TRIOBP: variants seen among roughly 807,000 people sequenced by gnomAD.
TRIOBP encodes the protein TRIO and F-actin binding protein.
TRIOBP carries 169 observed loss-of-function variants against 238.8 expected under a neutral mutation model. The observed-to-expected ratio is 0.71, with a 90% CI of 0.62 to 0.80. TRIOBP has a LOEUF of 0.80. Ranked by LOEUF, TRIOBP falls within the 30% of genes least tolerant of loss-of-function variation. The pLI is 0.00. For synonymous variants in TRIOBP, 1,150 were observed against 1,274.4 expected (o/e 0.90, Z 2.08); for missense variants, 2,838 against 3,122.6 (o/e 0.91, Z 2.17).
chr22:37,728,391 G>A (rs1375585631), intron 7 of TRIOBP, among the ~76,000 whole-genome samples: 5 of 152,022 alleles, frequency 3.3e-5, no homozygotes, highest in Admixed American at 1.3e-4. Flanking sequence ...CTGAGATTGC[G>A]TCATTGCACT....
chr22:37,708,037 G>C (rs1923039596), intron 3 of TRIOBP, among the ~76,000 whole-genome samples: 2 of 150,850 alleles, frequency 1.3e-5, no homozygotes, highest in South Asian at 4.2e-4. Flanking sequence ...ACGAGATCAG[G>C]AGATCGAGAC....
At position 37,726,158 on chromosome 22, in the gene TRIOBP, C is replaced by T. The variant is rs1924146278; in HGVS notation, c.3602C>T (p.Pro1201Leu). ...GGAACTAGTATGGAGAGCCTGGCCC[C>T]CTCCACTGACTCTCTGCATGGCTCC... ...PPGTSMESLAPSTDSLHGSPV... is the reference protein window; with the variant it reads ...PPGTSMESLALSTDSLHGSPV... Residue 1201 changes from proline (P) to leucine (L), a missense_variant, in exon 7 of 24, where the codon CCC becomes CTC. This residue lies in a region of TRIOBP where 2,096 missense variants were observed against 2,137.4 expected (regional missense o/e 0.98). Transcript: ENST00000644935. The T allele has an allele frequency of 6.3e-7, 1 of 1,582,890 alleles. No individual in the cohort carries two copies. Among genetic ancestry groups the T allele is most frequent in the African/African-American group, 1.4e-5 (1 of 73,326 alleles).
At chr22:37,713,529 T>A in intron 5 of TRIOBP, 118 bp downstream of exon 5, 2 of 1,312,334 alleles carry the variant, frequency 1.5e-6, no homozygotes, top group Non-Finnish European at 2.2e-6. Flanking sequence ...TCCGACGAGG[T>A]CCTCTGGACC....
chr22:37,734,095 G>C (rs1440526876), intron 8 of TRIOBP, among the ~76,000 whole-genome samples: 5 of 152,224 alleles, frequency 3.3e-5, no homozygotes, highest in African/African-American at 7.2e-5. Context: ...CAGTGGAATG[G>C]GGTATTGGTG....
At chr22:37,702,634 C>CTCTTTT (rs1226390715) in intron 3 of TRIOBP, among the ~76,000 whole-genome samples, 6 of 81,198 alleles carry the variant, frequency 7.4e-5, no homozygotes, top group African/African-American at 2.5e-4. Context: ...TTCTCTCTCT[C>CTCTTTT]TTTTTTTTTT....
Position 37,759,441 on chromosome 22 carries a change from G to A in TRIOBP, c.6324+177G>A, listed in dbSNP as rs150061404. 2.5e-5 allele frequency: 36 copies of A among 1,434,822 alleles called. No homozygotes were observed. Among genetic ancestry groups the A allele is most frequent in the African/African-American group, 2.0e-4 (14 of 71,336 alleles). 88.9% of individuals were successfully genotyped at this position (1,434,822 alleles called of 1,614,324 possible). A position where few individuals can be genotyped will look rare whatever the true frequency, so the allele number is the denominator to read the frequency against. ...GCTGGTGGGCGTGATCACTGTGCCCGTTTTACAGACAAGGCCACTGAGCTC... is the reference window on the plus strand; with the variant it reads ...GCTGGTGGGCGTGATCACTGTGCCCATTTTACAGACAAGGCCACTGAGCTC... On this transcript the variant is annotated intron_variant, in intron 17 of 23. Coordinates refer to ENST00000644935, the MANE Select transcript of TRIOBP (RefSeq NM_001039141.3).
At chr22:37,764,640 C>T (rs538051437) in intron 17 of TRIOBP, among the ~76,000 whole-genome samples, 4 of 152,296 alleles carry the variant, frequency 2.6e-5, no homozygotes, top group East Asian at 1.9e-4. Context: ...CCAGTGGGGT[C>T]GCAAAATGTG....
At chr22:37,770,323 G>A (rs1362136311) in intron 21 of TRIOBP, among the ~76,000 whole-genome samples, 1 of 150,700 alleles carries the variant, frequency 6.6e-6, no homozygotes, top group Admixed American at 6.6e-5. Flanking sequence ...GGTGGCGGGT[G>A]CCTGTAGTCC....
chr22:37,767,179 C>T (rs144158577), intron 18 of TRIOBP, among the ~76,000 whole-genome samples: 11 of 151,274 alleles, frequency 7.3e-5, no homozygotes, highest in Non-Finnish European at 1.5e-4. Context: ...TGAAAGTGGG[C>T]GGCAAAGGTT....
intron 7 of TRIOBP, among the ~76,000 whole-genome samples, chr22:37,731,468 ATT>A (rs56245109): frequency 0.81 from 120,551 of 148,088 alleles, 50,220 homozygotes; most frequent in Non-Finnish European, 0.9. Context: ...ATATATATAT[ATT>A]TTTTGAGACA....
intron 3 of TRIOBP, among the ~76,000 whole-genome samples, chr22:37,708,570 A>G (rs1923074251): frequency 6.6e-6 from 1 of 152,202 alleles, no homozygotes. Context: ...AGCCCTTTAC[A>G]AATATTAACT....
Position 37,758,141 on chromosome 22 carries a change from A to G in TRIOBP, c.6213+3A>G. 1 of 1,610,746 alleles carries G rather than the reference A, an allele frequency of 6.2e-7. No homozygotes were observed. Among genetic ancestry groups the G allele is most frequent in the Non-Finnish European group, 8.5e-7 (1 of 1,179,902 alleles). Reference sequence around the variant, plus strand: ...GCCACGAGGCACTGGAGAAGGAGGTAGGCACCACGGCTGGCTCTCTAGGAG... The same window carrying G: ...GCCACGAGGCACTGGAGAAGGAGGTGGGCACCACGGCTGGCTCTCTAGGAG... On this transcript the variant is annotated splice_donor_region_variant and intron_variant, in intron 16 of 23. Transcript: ENST00000644935.
intron 10 of TRIOBP, 98 bp downstream of exon 10, chr22:37,738,817 A>T: frequency 2.2e-6 from 3 of 1,337,266 alleles, no homozygotes; most frequent in Non-Finnish European, 3.2e-6. Flanking sequence ...AGAATCAACC[A>T]GACCAAAGTT....
At chr22:37,759,506 A>G (rs779720940) in intron 17 of TRIOBP, 3 of 1,605,232 alleles carry the variant, frequency 1.9e-6, no homozygotes, top group Non-Finnish European at 2.6e-6. Flanking sequence ...CCCCGCCTGC[A>G]GGTCTCAAAG....
chr22:37,699,561 G>A (rs1422331699), intron 2 of TRIOBP, among the ~76,000 whole-genome samples: 3 of 149,728 alleles, frequency 2.0e-5, no homozygotes, highest in Non-Finnish European at 4.4e-5. Flanking sequence ...TTTTTTTTAA[G>A]ACAGAGTCTC....
Position 37,734,899 on chromosome 22 carries a change from C to T in TRIOBP, c.4563C>T (p.Gly1521=), listed in dbSNP as rs769745521. The change falls in exon 9 of 24, where the codon GGC becomes GGT. Residue 1521 remains glycine, a synonymous_variant. Transcript: ENST00000644935. ...CGAGCCCCCCTGAGAACTGGGGAGG[C>T]CCCGCAGAGTCCTCACAATCCTGGC... The part of the protein sequence containing the change: ...PLTSPPENWG[G]PAESSQSWHS... 2 of 1,613,250 alleles carry T rather than the reference C, an allele frequency of 1.2e-6. No homozygotes were observed. Among genetic ancestry groups the T allele is most frequent in the East Asian group, 4.5e-5 (2 of 44,884 alleles).
chr22:37,740,748 G>T (rs781161707), intron 10 of TRIOBP, 147 bp from the exon 11 acceptor site: 3 of 1,205,894 alleles, frequency 2.5e-6, no homozygotes, highest in Admixed American at 2.0e-5. Context: ...TAACCAGCTC[G>T]TCTCGGCAGT....
At chr22:37,767,400 G>A (rs1926560468) in intron 18 of TRIOBP, among the ~76,000 whole-genome samples, 1 of 152,022 alleles carries the variant, frequency 6.6e-6, no homozygotes, top group Admixed American at 6.6e-5. Context: ...GCCCTGAGTG[G>A]GAAAAAAAAA....
At chr22:37,756,148 C>T (rs1024968070) in intron 15 of TRIOBP, among the ~76,000 whole-genome samples, 12 of 152,100 alleles carry the variant, frequency 7.9e-5, no homozygotes, top group Admixed American at 1.3e-4. Flanking sequence ...TGCTGGGCAG[C>T]GGGAACAGAG....
Sources: gnomAD v4.1 joint callset for allele counts (sites outside exome capture counted in the v4.1 genomes callset) on GRCh38, gnomAD v4.1.1 for gene constraint, gnomAD v4.1.1 regional missense constraint, MANE v1.5 for transcripts, NCBI Gene and HGNC (gene_info 2026-07-23, HGNC 2026-07-21) for gene names.